The following INO80 variants were observed in gnomAD, a reference collection of about 807,000 sequenced individuals.
INO80 encodes chromatin-remodeling ATPase INO80.
A neutral mutation model predicts 203.4 loss-of-function variants in INO80; 20 were observed. The ratio of observed to expected loss-of-function variants is 0.10; its 90% confidence interval spans 0.07 to 0.14. INO80 has a LOEUF of 0.14. INO80 is among the 10% of genes least tolerant of loss of function. The pLI is 1.00. For synonymous variants in INO80, 726 were observed against 685.2 expected, an observed-to-expected ratio of 1.06 and a Z score of -0.93; for missense variants, 1,419 against 1,914.4, an observed-to-expected ratio of 0.74 and a Z score of 4.83.
chr15:40,999,214 AAAAAC>A (rs1259669778), intron 28 of INO80: 1 of 152,086 alleles, frequency 6.6e-6, no homozygotes, highest in Non-Finnish European at 1.5e-5. Flanking sequence ...AAGGAAAACA[AAAAAC>A]AAAAAACACC....
chr15:41,057,032 T>C (rs989757656), intron 16 of INO80, among the ~76,000 whole-genome samples: 36 of 152,368 alleles, frequency 2.4e-4, no homozygotes, highest in Non-Finnish European at 4.6e-4. Context: ...AATTAGAAAG[T>C]ACATATCTGT....
chr15:41,086,543 C>T (rs540802147), intron 6 of INO80, among the ~76,000 whole-genome samples: 40 of 151,210 alleles, frequency 2.6e-4, no homozygotes, highest in Non-Finnish European at 4.6e-4. Context: ...CCCAACTACT[C>T]GGGAGGCTGA....
chr15:41,029,195 T>G (rs1034877642), intron 24 of INO80, among the ~76,000 whole-genome samples: 4 of 152,200 alleles, frequency 2.6e-5, no homozygotes. Context: ...GGATCCTCTG[T>G]AAGAGAATAA....
At position 40,985,272 on chromosome 15, in the gene INO80, C is replaced by T; in HGVS notation, c.3921+66G>A. On this transcript the variant is annotated intron_variant, in intron 32 of 35. Transcript: ENST00000648947. The stretch of plus-strand genomic sequence containing the variant: ...AACCAAGATGAGAAGCCATGTACCC[C>T]AAAGCCTTTTTGGTAAGTACCCCAG... 6.1e-6 allele frequency: 7 copies of T among 1,154,476 alleles called. 1 individual carries two copies. In the South Asian group the frequency reaches 7.4e-5, roughly 12 times the overall value. 71.5% of individuals were successfully genotyped at this position (1,154,476 alleles called of 1,614,324 possible).
At chr15:41,027,480 T>A in intron 25 of INO80, 116 bp downstream of exon 25, 1 of 873,766 alleles carries the variant, frequency 1.1e-6, no homozygotes. Flanking sequence ...AGAATTTATA[T>A]GTTTCTTAAA....
At chr15:41,063,153 A>C (rs563143387) in intron 14 of INO80, among the ~76,000 whole-genome samples, 3 of 152,212 alleles carry the variant, frequency 2.0e-5, no homozygotes, top group East Asian at 3.9e-4. Context: ...CCTGGCCAAC[A>C]TGGTGAAACC....
At chr15:40,983,362 G>C in intron 34 of INO80, 1 of 448,598 alleles carries the variant, frequency 2.2e-6, no homozygotes, top group East Asian at 4.4e-5. Context: ...ATTACAAAGG[G>C]AAGCGACTTG....
At chr15:41,044,644 T>C (rs977449681) in intron 24 of INO80, among the ~76,000 whole-genome samples, 2 of 152,122 alleles carry the variant, frequency 1.3e-5, no homozygotes, top group African/African-American at 2.4e-5. Flanking sequence ...TGTATACACA[T>C]ATATAAATTC....
intron 14 of INO80, among the ~76,000 whole-genome samples, chr15:41,065,242 AG>A: frequency 1.3e-5 from 2 of 152,258 alleles, no homozygotes; most frequent in South Asian, 4.1e-4. Flanking sequence ...GTTCAAGACC[AG>A]CCTGGCTAAC....
chr15:41,111,937 C>T (rs1366929702), intron 1 of INO80, among the ~76,000 whole-genome samples: 1 of 152,230 alleles, frequency 6.6e-6, no homozygotes, highest in East Asian at 1.9e-4. Context: ...GAGGGAATAG[C>T]TCTGTTGCCC....
intron 14 of INO80, among the ~76,000 whole-genome samples, chr15:41,062,541 A>C (rs576791099): frequency 7.2e-5 from 11 of 152,300 alleles, no homozygotes; most frequent in African/African-American, 2.4e-4. Flanking sequence ...TCCAAAAAAA[A>C]CCAAAAAGAA....
rs542141253 is a variant in INO80 at position 40,982,413 on chromosome 15, T to G, written c.4453+449A>C. On this transcript the variant is annotated intron_variant, in intron 35 of 35. Coordinates refer to ENST00000648947, the MANE Select transcript of INO80 (RefSeq NM_017553.3). ...ATCTGCCTGCCTCAGTCTCCCAAAG[T>G]GTTGGGATTACAGGTGTGAGCCACT... Among the ~76,000 whole-genome samples, 22 of 152,282 alleles carry G rather than the reference T, an allele frequency of 1.4e-4. No individual in the cohort carries two copies. In the East Asian group the frequency reaches 4.2e-3, roughly 29 times the overall value.
chr15:41,078,069 T>C (rs2045432145), intron 9 of INO80, among the ~76,000 whole-genome samples: 1 of 151,816 alleles, frequency 6.6e-6, no homozygotes, highest in South Asian at 2.1e-4. Context: ...CCGGCTAATT[T>C]TTGTATTTTT....
At position 40,980,129 on chromosome 15, in the gene INO80, G is replaced by T; in HGVS notation, c.*94C>A. ...GACATTTCCACTTCTGACTCAGGAT[G>T]CAAGATGCTGCACGGGGCAAGCCAT... On this transcript the variant is annotated 3_prime_UTR_variant, in exon 36 of 36. Coordinates refer to ENST00000648947, the MANE Select transcript of INO80 (RefSeq NM_017553.3). 1 of 960,484 alleles carries T rather than the reference G, an allele frequency of 1.0e-6. No homozygotes were observed. Among genetic ancestry groups the T allele is most frequent in the Non-Finnish European group, 1.6e-6 (1 of 608,746 alleles). The allele number at this position is 960,484 out of a possible 1,614,324, so 59.5% of individuals were successfully genotyped here.
intron 4 of INO80, 50 bp from the exon 5 acceptor site, chr15:41,092,232 T>C: frequency 1.4e-6 from 2 of 1,467,156 alleles, no homozygotes; most frequent in Non-Finnish European, 9.3e-7. Flanking sequence ...AGCAATCCCA[T>C]TTATAATCCA....
chr15:40,984,475 AT>A, intron 32 of INO80, 123 bp from the exon 33 acceptor site: 2 of 864,028 alleles, frequency 2.3e-6, no homozygotes, highest in African/African-American at 1.7e-5. Flanking sequence ...CAATTAGCAT[AT>A]TTTTACGGAA....
At chr15:41,077,903 CTTT>C (rs555381572) in intron 9 of INO80, among the ~76,000 whole-genome samples, 5 of 139,244 alleles carry the variant, frequency 3.6e-5, no homozygotes, top group Non-Finnish European at 4.7e-5. Context: ...AGAATAACAT[CTTT>C]TTTTTTTTTT....
intron 28 of INO80, among the ~76,000 whole-genome samples, chr15:41,000,476 ACTTGAGGTCAGGAGTTCAAGACCAGC>A (rs1339497200): frequency 1.3e-5 from 2 of 152,030 alleles, no homozygotes; most frequent in African/African-American, 4.8e-5. Flanking sequence ...TGGGTAGATC[ACTTGAGGTCAGGAGTTCAAGACCAGC>A]CTTGGCAACA....
rs182971006 is a variant in INO80 at position 41,039,428 on chromosome 15, G to A, written c.2907+5476C>T. Among the ~76,000 whole-genome samples, 409 of 152,340 alleles carry A rather than the reference G, an allele frequency of 2.7e-3. 3 individuals are homozygous for A. Among genetic ancestry groups the A allele is most frequent in the South Asian group, 0.013 (62 of 4,830 alleles). ...ATTCAGTGTGTGTGTGTGTTTTTAAGCATGAGTGTATATTTTCAATATGTG... is the reference window on the plus strand; with the variant it reads ...ATTCAGTGTGTGTGTGTGTTTTTAAACATGAGTGTATATTTTCAATATGTG... On this transcript the variant is annotated intron_variant, in intron 24 of 35. Transcript: ENST00000648947.
Sources: gnomAD v4.1 joint callset for allele counts (sites outside exome capture counted in the v4.1 genomes callset) on GRCh38, gnomAD v4.1.1 for gene constraint, MANE v1.5 for transcripts, NCBI Gene and HGNC (gene_info 2026-07-23, HGNC 2026-07-21) for gene names.